Variants in DIDO1 observed in about 807,000 individuals in gnomAD.
DIDO1 encodes the protein death-inducer obliterator 1.
A neutral mutation model predicts 99.4 loss-of-function variants in DIDO1; 16 were observed. That is an observed-to-expected ratio of 0.16 (90% confidence interval 0.11 to 0.24). DIDO1 has a LOEUF of 0.24. Ranked by LOEUF, DIDO1 falls within the 10% of genes least tolerant of loss-of-function variation. The pLI is 1.00. For missense variants in DIDO1, 2,996 were observed against 3,014.0 expected (o/e 0.99, Z 0.14); for synonymous variants, 1,366 against 1,239.1 (o/e 1.10, Z -2.15).
intron 1 of DIDO1, among the ~76,000 whole-genome samples, chr20:62,923,988 AAAAAT>A (rs1266688115): frequency 1.3e-5 from 2 of 152,262 alleles, no homozygotes; most frequent in Admixed American, 6.5e-5. Flanking sequence ...TTACTACTCA[AAAAAT>A]AAAATGAGGC....
chr20:62,925,956 C>G (rs1568890223), intron 1 of DIDO1, among the ~76,000 whole-genome samples: 1 of 152,226 alleles, frequency 6.6e-6, no homozygotes, highest in African/African-American at 2.4e-5. Flanking sequence ...ACGCCAGAAG[C>G]TAAGCCGGCC....
intron 12 of DIDO1, 81 bp from the exon 13 acceptor site, chr20:62,893,043 T>C: frequency 7.1e-7 from 1 of 1,404,098 alleles, no homozygotes; most frequent in Non-Finnish European, 9.7e-7. Flanking sequence ...TTTTTTTTTT[T>C]TGAGACAGGA....
chr20:62,934,654 G>A (rs1023316645), intron 1 of DIDO1, among the ~76,000 whole-genome samples: 18 of 152,118 alleles, frequency 1.2e-4, no homozygotes, highest in African/African-American at 2.9e-4. Flanking sequence ...AACATACTAC[G>A]CTGTCTTCAC....
intron 1 of DIDO1, among the ~76,000 whole-genome samples, chr20:62,915,984 A>C (rs1248649426): frequency 3.3e-5 from 5 of 152,244 alleles, no homozygotes; most frequent in Non-Finnish European, 7.3e-5. Flanking sequence ...AGATCAGATC[A>C]CTTTATATTT....
At chr20:62,923,869 T>C (rs984159939) in intron 1 of DIDO1, among the ~76,000 whole-genome samples, 1 of 152,222 alleles carries the variant, frequency 6.6e-6, no homozygotes, top group Non-Finnish European at 1.5e-5. Flanking sequence ...CCTTTACAAC[T>C]TACACACGAT....
chr20:62,911,197 G>C lies in DIDO1; in HGVS notation c.416C>G (p.Ser139Cys), dbSNP rs2064929270. ...STAVKERPAS[S>C]EKVKGGDDHD... ...GTCATCCCCTCCTTTCACCTTTTCA[G>C]AAGAGGCTGGTCGTTCCTTCACAGC... is the stretch of plus-strand genomic sequence containing the variant. The change falls in exon 3 of 16, where the codon TCT (serine) becomes TGT (cysteine). Residue 139 changes from serine to cysteine, a missense_variant. Around this residue, in one of 5 missense-constraint regions of DIDO1, gnomAD observed 388 missense variants for 376.6 expected, o/e 1.03. Coordinates refer to ENST00000395343, the MANE Select transcript of DIDO1 (RefSeq NM_001193369.2). This position sits in a 1 kb window ranked among gnomAD's most constrained non-coding sequence, Gnocchi z 7.0. 1 of 1,613,852 alleles carries C rather than the reference G, an allele frequency of 6.2e-7. No individual in the cohort carries two copies. The highest frequency in any genetic ancestry group is 2.2e-5 in the East Asian group (1 of 44,874).
At chr20:62,891,264 A>C (rs1449309483) in intron 14 of DIDO1, 109 bp from the exon 15 acceptor site, 1 of 1,514,122 alleles carries the variant, frequency 6.6e-7, no homozygotes, top group Non-Finnish European at 8.9e-7. Context: ...TCTCCGACTC[A>C]CAGCCACGAT....
chr20:62,898,009 C>A (rs2064576455), intron 6 of DIDO1, among the ~76,000 whole-genome samples: 1 of 152,216 alleles, frequency 6.6e-6, no homozygotes, highest in African/African-American at 2.4e-5. Flanking sequence ...GTCAACAAGG[C>A]ACCTCCTGAG....
At position 62,922,695 on chromosome 20, in the gene DIDO1, G is replaced by A. The variant is rs114355003; in HGVS notation, c.-200+3744C>T. On this transcript the variant is annotated intron_variant, in intron 1 of 15. Coordinates refer to ENST00000395343, the MANE Select transcript of DIDO1 (RefSeq NM_001193369.2). ...CATCTGCGGCAAGTGTGCAACAGAC[G>A]GTAGGTGCCACCTAAGAAAGTGACA... Among the ~76,000 whole-genome samples the A allele has an allele frequency of 3.7e-3, 567 of 152,344 alleles. 4 individuals are homozygous for A. The highest frequency in any genetic ancestry group is 0.013 in the African/African-American group (549 of 41,568).
At chr20:62,900,629 G>A (rs1398108638) in intron 6 of DIDO1, among the ~76,000 whole-genome samples, 3 of 152,228 alleles carry the variant, frequency 2.0e-5, no homozygotes, top group Admixed American at 6.5e-5. Context: ...GCAACCTTAT[G>A]TGCTGGATGG....
At chr20:62,887,891 G>A in intron 15 of DIDO1, 1 of 985,518 alleles carries the variant, frequency 1.0e-6, no homozygotes. Context: ...GTGATGCTGA[G>A]TTACAGAGAG....
At chr20:62,895,872 G>A (rs1056408717) in intron 8 of DIDO1, among the ~76,000 whole-genome samples, 2 of 152,222 alleles carry the variant, frequency 1.3e-5, no homozygotes, top group Non-Finnish European at 2.9e-5. Context: ...GGCTGTCTGA[G>A]GCCGGAATAC....
At chr20:62,917,823 C>T (rs189086060) in intron 1 of DIDO1, among the ~76,000 whole-genome samples, 35 of 152,320 alleles carry the variant, frequency 2.3e-4, no homozygotes, top group African/African-American at 8.4e-4. Flanking sequence ...CCCTGTGCCA[C>T]CGATGCAAAT....
chr20:62,898,360 G>A (rs1015524838), intron 6 of DIDO1, among the ~76,000 whole-genome samples: 42 of 152,326 alleles, frequency 2.8e-4, no homozygotes, highest in Admixed American at 1.0e-3. Context: ...CCTCAGGGCT[G>A]CAAGTCTTCC....
intron 5 of DIDO1, 66 bp downstream of exon 5, chr20:62,907,081 G>A (rs2064823422): frequency 1.9e-6 from 3 of 1,558,456 alleles, no homozygotes; most frequent in Middle Eastern, 1.7e-4. Flanking sequence ...CAAACCAACA[G>A]TTCTGCGACA....
intron 4 of DIDO1, among the ~76,000 whole-genome samples, chr20:62,908,142 G>A (rs559046891): frequency 6.6e-6 from 1 of 152,142 alleles, no homozygotes; most frequent in Non-Finnish European, 1.5e-5. Flanking sequence ...ACCACGCCCA[G>A]CTCATTATTT....
intron 1 of DIDO1, among the ~76,000 whole-genome samples, chr20:62,926,019 C>T (rs2065245982): frequency 6.6e-6 from 1 of 152,146 alleles, no homozygotes; most frequent in African/African-American, 2.4e-5. Context: ...CCGAGAATGC[C>T]TAGGGAAACC....
chr20:62,909,403 C>A (rs1366883410), intron 4 of DIDO1, among the ~76,000 whole-genome samples: 1 of 152,262 alleles, frequency 6.6e-6, no homozygotes, highest in African/African-American at 2.4e-5. Context: ...AGGAGCACCG[C>A]CACTCCCATC....
intron 15 of DIDO1, 131 bp downstream of exon 15, chr20:62,890,829 C>T (rs1315559835): frequency 7.7e-6 from 12 of 1,558,222 alleles, no homozygotes; most frequent in African/African-American, 6.8e-5. Context: ...TATTGCTAAC[C>T]GCTGCGTCTG....
Sources: gnomAD v4.1 joint callset for allele counts (sites outside exome capture counted in the v4.1 genomes callset) on GRCh38, gnomAD v4.1.1 for gene constraint, gnomAD v4.1.1 regional missense constraint, Gnocchi (gnomAD v3.1) non-coding constraint, MANE v1.5 for transcripts, NCBI Gene and HGNC (gene_info 2026-07-23, HGNC 2026-07-21) for gene names.